RNGTT: variants seen among roughly 807,000 people sequenced by gnomAD.
RNGTT encodes RNA guanylyltransferase and 5'-phosphatase, also known as mRNA-capping enzyme.
RNGTT carries 33 observed loss-of-function variants against 79.3 expected under a neutral mutation model. The observed-to-expected ratio is 0.42, with a 90% CI of 0.32 to 0.56. RNGTT has a LOEUF of 0.56. Ranked by LOEUF, RNGTT falls within the 20% of genes least tolerant of loss-of-function variation. RNGTT has a pLI of 0.17. For missense variants in RNGTT, 497 were observed against 739.1 expected, an observed-to-expected ratio of 0.67 and a Z score of 3.80; for synonymous variants, 222 against 235.9, an observed-to-expected ratio of 0.94 and a Z score of 0.54.
chr6:88,833,216 C>A (rs937770732), intron 11 of RNGTT, among the ~76,000 whole-genome samples: 1 of 152,170 alleles, frequency 6.6e-6, no homozygotes, highest in Non-Finnish European at 1.5e-5. Context: ...AAATGTGGCA[C>A]ATAGACACCA....
chr6:88,866,034 C>T (rs1782154025), intron 8 of RNGTT, among the ~76,000 whole-genome samples: 1 of 152,094 alleles, frequency 6.6e-6, no homozygotes, highest in South Asian at 2.1e-4. Context: ...AAAGTCTCCA[C>T]CCTCTACAAA....
At chr6:88,771,054 T>C (rs1778639717) in intron 12 of RNGTT, among the ~76,000 whole-genome samples, 1 of 151,926 alleles carries the variant, frequency 6.6e-6, no homozygotes, top group Non-Finnish European at 1.5e-5. Context: ...GTCTTTGGCT[T>C]TTTCATTTTC....
At chr6:88,906,053 G>A (rs572338594) in intron 5 of RNGTT, among the ~76,000 whole-genome samples, 16 of 152,056 alleles carry the variant, frequency 1.1e-4, no homozygotes, top group Admixed American at 3.9e-4. Context: ...AGGCTGAGGC[G>A]GGAGGATTGC....
At chr6:88,858,950 T>C (rs1272930595) in intron 8 of RNGTT, among the ~76,000 whole-genome samples, 1 of 151,996 alleles carries the variant, frequency 6.6e-6, no homozygotes, top group Non-Finnish European at 1.5e-5. Flanking sequence ...GAAAATGGTA[T>C]GAAATGAGAC....
rs116014585 is a variant in RNGTT, at chr6:88,657,569, G to A, written c.1506+20784C>T. ...GGAGGCAAATGGAAAATACAGATAT[G>A]AGCACAGAAACTGCAGCTGATGGTG... is the stretch of plus-strand genomic sequence containing the variant. On this transcript the variant is annotated intron_variant, in intron 14 of 15. Transcript: ENST00000369485. Among the ~76,000 whole-genome samples the A allele has an allele frequency of 5.5e-3, 837 of 152,270 alleles. 8 individuals carry two copies. Among genetic ancestry groups the A allele is most frequent in the African/African-American group, 0.017 (727 of 41,558 alleles).
chr6:88,851,723 A>G (rs1257173080), intron 9 of RNGTT, among the ~76,000 whole-genome samples: 1 of 152,070 alleles, frequency 6.6e-6, no homozygotes, highest in Admixed American at 6.5e-5. Context: ...TGGATTTGGA[A>G]TTTTACAAAA....
At chr6:88,720,172 T>C (rs773505868) in intron 13 of RNGTT, among the ~76,000 whole-genome samples, 5 of 152,276 alleles carry the variant, frequency 3.3e-5, no homozygotes, top group African/African-American at 7.2e-5. Context: ...ATTAATTAGA[T>C]AGAATATCCT....
At chr6:88,933,292 T>C (rs1277305437) in intron 2 of RNGTT, among the ~76,000 whole-genome samples, 1 of 152,204 alleles carries the variant, frequency 6.6e-6, no homozygotes, top group Non-Finnish European at 1.5e-5. Context: ...TCTAGCTACT[T>C]GGAAATACAC....
intron 4 of RNGTT, among the ~76,000 whole-genome samples, chr6:88,909,297 G>A (rs537911784): frequency 1.3e-5 from 2 of 152,214 alleles, no homozygotes; most frequent in South Asian, 4.1e-4. Flanking sequence ...GGTCAGGGGA[G>A]TGCAAGTTGT....
intron 13 of RNGTT, among the ~76,000 whole-genome samples, chr6:88,693,800 C>T (rs1159597532): frequency 6.6e-6 from 1 of 152,036 alleles, no homozygotes; most frequent in Non-Finnish European, 1.5e-5. Flanking sequence ...GTTAAACATA[C>T]ACAAGTCTAT....
At chr6:88,778,375 G>T (rs1778958611) in intron 12 of RNGTT, among the ~76,000 whole-genome samples, 1 of 151,890 alleles carries the variant, frequency 6.6e-6, no homozygotes, top group Non-Finnish European at 1.5e-5. Flanking sequence ...CATTATGGAG[G>T]GTGGGGCCAT....
chr6:88,843,173 GCA>G, intron 11 of RNGTT, among the ~76,000 whole-genome samples: 1 of 151,106 alleles, frequency 6.6e-6, no homozygotes, highest in Non-Finnish European at 1.5e-5. Flanking sequence ...AAGAGTGCTG[GCA>G]ATGGGAAAAT....
At chr6:88,729,852 G>T (rs1777049385) in intron 13 of RNGTT, among the ~76,000 whole-genome samples, 1 of 152,188 alleles carries the variant, frequency 6.6e-6, no homozygotes. Context: ...AGGGGTAAAT[G>T]ACCCCTTTAC....
chr6:88,963,207 A>C, intron 1 of RNGTT, 139 bp downstream of exon 1: 1 of 782,172 alleles, frequency 1.3e-6, no homozygotes, highest in Non-Finnish European at 2.0e-6. Context: ...TTCATCCACG[A>C]AGCGTAATCC....
intron 12 of RNGTT, among the ~76,000 whole-genome samples, chr6:88,791,706 AT>A (rs572443798): frequency 1.3e-5 from 2 of 151,716 alleles, no homozygotes; most frequent in Non-Finnish European, 2.9e-5. Flanking sequence ...CACCCGGCTA[AT>A]TTTTTGTATT....
At chr6:88,801,515 CACACACAA>C in intron 12 of RNGTT, 41 bp downstream of exon 12, 2 of 1,404,174 alleles carry the variant, frequency 1.4e-6, no homozygotes, top group Non-Finnish European at 2.0e-6. Flanking sequence ...TGTGTACACA[CACACACAA>C]ACACACAAAC....
At chr6:88,727,754 G>T (rs1383857561) in intron 13 of RNGTT, among the ~76,000 whole-genome samples, 4 of 152,106 alleles carry the variant, frequency 2.6e-5, no homozygotes, top group African/African-American at 7.2e-5. Flanking sequence ...CAGTAAGAAG[G>T]CACCAAGGAC....
chr6:88,900,482 C>T (rs1370010727), intron 6 of RNGTT, among the ~76,000 whole-genome samples: 1 of 151,974 alleles, frequency 6.6e-6, no homozygotes, highest in Non-Finnish European at 1.5e-5. Flanking sequence ...GCCTGTAATC[C>T]CAGCACTTTC....
rs77949080 is a variant in RNGTT, at chr6:88,866,899, T to C, written c.897-13135A>G. 2.6e-3 allele frequency among the ~76,000 whole-genome samples: 397 copies of C among 152,310 alleles called. 3 individuals carry two copies. Among genetic ancestry groups the C allele is most frequent in the Middle Eastern group, 0.01 (3 of 294 alleles). On this transcript the variant is annotated intron_variant, in intron 8 of 15. Coordinates refer to ENST00000369485, the MANE Select transcript of RNGTT (RefSeq NM_003800.5). ...TAAAAGTCCACCCTTACTAACTAGG[T>C]ATGGGACCTTGTAAAAACCACTTGG...
Sources: gnomAD v4.1 joint callset for allele counts (sites outside exome capture counted in the v4.1 genomes callset) on GRCh38, gnomAD v4.1.1 for gene constraint, MANE v1.5 for transcripts, NCBI Gene and HGNC (gene_info 2026-07-23, HGNC 2026-07-21) for gene names.